GABRA2: variants seen among roughly 807,000 people sequenced by gnomAD.
GABRA2 encodes gamma-aminobutyric acid type A receptor subunit alpha2, also known as gamma-aminobutyric acid receptor subunit alpha-2.
In GABRA2, 16 loss-of-function variants were observed where a neutral mutation model predicts 48.7. The ratio of observed to expected loss-of-function variants is 0.33; its 90% CI spans 0.22 to 0.50. GABRA2 has a LOEUF of 0.50. GABRA2 is among the 20% of genes least tolerant of loss of function. GABRA2 has a pLI of 0.98. For synonymous variants in GABRA2, 185 were observed against 184.5 expected (o/e 1.00, Z -0.02); for missense variants, 275 against 535.6 (o/e 0.51, Z 4.80).
At chr4:46,363,761 A>G (rs1028565294) in intron 3 of GABRA2, 4 of 152,198 alleles carry the variant, frequency 2.6e-5, no homozygotes, top group African/African-American at 9.6e-5. Context: ...TGATAAAAAT[A>G]AAATTAAACA....
chr4:46,277,116 G>A (rs535352717), intron 8 of GABRA2, among the ~76,000 whole-genome samples: 33 of 152,090 alleles, frequency 2.2e-4, no homozygotes, highest in Middle Eastern at 3.4e-3. Context: ...TTCATAATTC[G>A]TGTGAATTAC....
At position 46,250,512 on chromosome 4, in the gene GABRA2, G is replaced by A. The variant is rs143219761; in HGVS notation, c.1152C>T (p.Leu384=). 1.2e-5 allele frequency: 19 copies of A among 1,611,832 alleles called. No individual in the cohort carries two copies. In the African/African-American group the frequency reaches 1.3e-4, roughly 11 times the overall value. ...TGGTTGCACTCTTGGAGATGGTGGA[G>A]AGAACTGGATCTTTTGAAAGATTCG... ...YAPNLSKDPV[L]STISKSATTP... is the part of the protein sequence containing the mutation. The change falls in exon 10 of 10, where the codon CTC becomes CTT. Residue 384 remains leucine (L), a synonymous_variant. Coordinates refer to ENST00000381620, the MANE Select transcript of GABRA2 (RefSeq NM_000807.4).
chr4:46,357,328 G>A (rs1736152295), intron 3 of GABRA2, among the ~76,000 whole-genome samples: 1 of 149,920 alleles, frequency 6.7e-6, no homozygotes, highest in Admixed American at 6.7e-5. Context: ...GGTTCAGGAG[G>A]AGAAAAAAGG....
At position 46,312,510 on chromosome 4, in the gene GABRA2, C is replaced by T. The variant is rs202081631; in HGVS notation, c.462G>A (p.Leu154=). The T allele has an allele frequency of 2.5e-6, 4 of 1,605,192 alleles. No homozygotes were observed. Among genetic ancestry groups the T allele is most frequent in the Non-Finnish European group, 3.4e-6 (4 of 1,174,166 alleles). ...TAAAAACATACCTCATGGTATACAG[C>T]AGAGTCCCATCATCCTGAATTCGAA... ...KLLRIQDDGT[L]LYTMRLTVQA... The change falls in exon 5 of 10, where the codon CTG becomes CTA. Residue 154 remains leucine, a synonymous_variant. Transcript: ENST00000381620.
At chr4:46,300,648 ACAAT>A (rs202028476) in intron 8 of GABRA2, among the ~76,000 whole-genome samples, 2,368 of 152,136 alleles carry the variant, frequency 0.016, 64 homozygotes, top group African/African-American at 0.054. Flanking sequence ...AACTCAAACT[ACAAT>A]CAGTTTTCCT....
At chr4:46,384,708 T>A (rs989217291) in intron 3 of GABRA2, among the ~76,000 whole-genome samples, 1 of 152,202 alleles carries the variant, frequency 6.6e-6, no homozygotes, top group Non-Finnish European at 1.5e-5. Context: ...ACCTTACTTC[T>A]TACTTACTAG....
chr4:46,360,531 A>C (rs1713012977), intron 3 of GABRA2, among the ~76,000 whole-genome samples: 1 of 152,356 alleles, frequency 6.6e-6, no homozygotes, highest in East Asian at 1.9e-4. Context: ...TAGTAAGCCC[A>C]TTAAACCTCT....
At chr4:46,266,815 A>G (rs2109378384) in intron 8 of GABRA2, among the ~76,000 whole-genome samples, 1 of 137,850 alleles carries the variant, frequency 7.3e-6, no homozygotes, top group Middle Eastern at 4.7e-3. Context: ...TTTGCCTCCC[A>G]GGTTCAAGCA....
intron 4 of GABRA2, among the ~76,000 whole-genome samples, chr4:46,313,395 T>C (rs1313479450): frequency 6.6e-6 from 1 of 152,038 alleles, no homozygotes; most frequent in African/African-American, 2.4e-5. Flanking sequence ...AGTTTATTTA[T>C]GACATTAGTT....
chr4:46,326,880 C>T (rs1286477096), intron 4 of GABRA2, among the ~76,000 whole-genome samples: 1 of 151,958 alleles, frequency 6.6e-6, no homozygotes, highest in Non-Finnish European at 1.5e-5. Context: ...ACAAACAAAA[C>T]TTTTCCTGCT....
At chr4:46,266,261 AAT>A (rs1208461053) in intron 8 of GABRA2, among the ~76,000 whole-genome samples, 2 of 148,420 alleles carry the variant, frequency 1.3e-5, no homozygotes, top group Non-Finnish European at 3.0e-5. Context: ...TCAATATTTT[AAT>A]ATTTTATATT....
intron 3 of GABRA2, among the ~76,000 whole-genome samples, chr4:46,377,618 C>T (rs1314552151): frequency 2.7e-5 from 4 of 150,532 alleles, no homozygotes; most frequent in Non-Finnish European, 5.9e-5. Flanking sequence ...GGTCAGCCCC[C>T]CGCCCGGCTA....
At chr4:46,379,485 T>A (rs1178401496) in intron 3 of GABRA2, among the ~76,000 whole-genome samples, 1 of 152,202 alleles carries the variant, frequency 6.6e-6, no homozygotes, top group Non-Finnish European at 1.5e-5. Context: ...ACGTGCGAAA[T>A]CATCCCAATT....
At chr4:46,365,170 T>C (rs1200922226) in intron 3 of GABRA2, 2 of 152,168 alleles carry the variant, frequency 1.3e-5, no homozygotes, top group Non-Finnish European at 2.9e-5. Flanking sequence ...ATTTGACTGC[T>C]CAGGTTTTCT....
chr4:46,282,946 G>A (rs1199238540), intron 8 of GABRA2, among the ~76,000 whole-genome samples: 1 of 152,122 alleles, frequency 6.6e-6, no homozygotes, highest in Non-Finnish European at 1.5e-5. Context: ...TGAAACTAAG[G>A]TACAGAGGGG....
intron 3 of GABRA2, among the ~76,000 whole-genome samples, chr4:46,346,393 A>C (rs749887363): frequency 1.1e-4 from 17 of 151,902 alleles, no homozygotes; most frequent in Non-Finnish European, 2.1e-4. Context: ...AGGCGGGAAG[A>C]GTTAAGAATA....
At chr4:46,296,927 G>A (rs1201210505) in intron 8 of GABRA2, among the ~76,000 whole-genome samples, 4 of 152,092 alleles carry the variant, frequency 2.6e-5, no homozygotes, top group African/African-American at 9.7e-5. Flanking sequence ...TTGTTAACTT[G>A]ATGTATTGGC....
At position 46,389,828 on chromosome 4, in the gene GABRA2, AG is replaced by A. The variant is rs1718001068; in HGVS notation, c.-105del. The A allele has an allele frequency of 1.0e-6, 1 of 953,766 alleles. No homozygotes were observed. The highest frequency in any genetic ancestry group is 1.3e-4 in the East Asian group (1 of 7,882). The allele number at this position is 953,766 out of a possible 1,614,324, so 59.1% of individuals were successfully genotyped here. A position where few individuals can be genotyped will look rare whatever the true frequency, so the allele number is the denominator to read the frequency against. ...GAGAGAGAGAGAGAGAGAGAGAGAG[AG>A]AGAGAGAGAGAGAGAGAGAGAGAGA... On this transcript the variant is annotated 5_prime_UTR_variant, in exon 1 of 10. Transcript: ENST00000381620.
At chr4:46,334,295 C>A (rs1361616800) in intron 3 of GABRA2, among the ~76,000 whole-genome samples, 1 of 152,046 alleles carries the variant, frequency 6.6e-6, no homozygotes, top group African/African-American at 2.4e-5. Flanking sequence ...CTGGGCATCA[C>A]AAATTATGTA....
Sources: gnomAD v4.1 joint callset for allele counts (sites outside exome capture counted in the v4.1 genomes callset) on GRCh38, gnomAD v4.1.1 for gene constraint, MANE v1.5 for transcripts, NCBI Gene and HGNC (gene_info 2026-07-23, HGNC 2026-07-21) for gene names.